AMBRA1: variants seen among roughly 807,000 people sequenced by gnomAD.
AMBRA1 encodes autophagy and beclin 1 regulator 1, also known as activating molecule in BECN1-regulated autophagy protein 1.
Under a neutral mutation model 125.4 loss-of-function variants are expected in AMBRA1, and 47 were observed. The ratio of observed to expected loss-of-function variants is 0.37; its 90% CI spans 0.30 to 0.48. The LOEUF (loss-of-function observed/expected upper bound fraction) is 0.48, where lower values mean the gene tolerates loss of function less well. Among genes scored for constraint, AMBRA1 ranks in the 20% least tolerant of loss-of-function variants. The pLI, the probability that AMBRA1 is intolerant of heterozygous loss-of-function variation, is 0.99. For missense variants in AMBRA1, 1,331 were observed against 1,693.4 expected (o/e 0.79, Z 3.76); for synonymous variants, 626 against 655.5 (o/e 0.95, Z 0.69).
At chr11:46,533,454 C>T (rs1435973467) in intron 7 of AMBRA1, among the ~76,000 whole-genome samples, 1 of 152,216 alleles carries the variant, frequency 6.6e-6, no homozygotes, top group African/African-American at 2.4e-5. Context: ...AGTTCGATAA[C>T]ACGCCTTCTT....
At chr11:46,413,324 C>T (rs1035902606) in intron 15 of AMBRA1, among the ~76,000 whole-genome samples, 1 of 152,178 alleles carries the variant, frequency 6.6e-6, no homozygotes, top group Non-Finnish European at 1.5e-5. Context: ...CCTTTCTGCT[C>T]CCCACAAACA....
intron 11 of AMBRA1, 44 bp from the exon 12 acceptor site, chr11:46,443,642 C>T: frequency 6.7e-7 from 1 of 1,495,532 alleles, no homozygotes; most frequent in Non-Finnish European, 9.3e-7. Context: ...ATTATTTATC[C>T]ACGTTTCCAC....
intron 1 of AMBRA1, among the ~76,000 whole-genome samples, chr11:46,562,209 A>C (rs565277217): frequency 3.5e-4 from 53 of 152,310 alleles, no homozygotes; most frequent in African/African-American, 1.3e-3. Flanking sequence ...ACCTTGAGAA[A>C]AGAGGCAGGT....
chr11:46,428,312 C>CTTTATTG (rs1319805682), intron 14 of AMBRA1, among the ~76,000 whole-genome samples: 7 of 152,060 alleles, frequency 4.6e-5, no homozygotes, highest in Non-Finnish European at 8.8e-5. Context: ...CACATGGCCA[C>CTTTATTG]AAAGAAAAAG....
At chr11:46,561,209 T>C (rs1445695151) in intron 1 of AMBRA1, among the ~76,000 whole-genome samples, 1 of 151,968 alleles carries the variant, frequency 6.6e-6, no homozygotes, top group Non-Finnish European at 1.5e-5. Context: ...GGTGAAACCC[T>C]GTCTCTACTA....
At chr11:46,516,423 CTTTTTTTTTTT>C (rs1162985350) in intron 7 of AMBRA1, among the ~76,000 whole-genome samples, 3 of 73,178 alleles carry the variant, frequency 4.1e-5, no homozygotes, top group East Asian at 4.3e-4. Flanking sequence ...AAAGATCTTT[CTTTTTTTTTTT>C]TTTTTTTTTT....
At chr11:46,405,154 C>T (rs1945947296) in intron 17 of AMBRA1, among the ~76,000 whole-genome samples, 1 of 152,216 alleles carries the variant, frequency 6.6e-6, no homozygotes, top group Non-Finnish European at 1.5e-5. Flanking sequence ...TGCTTCCCCA[C>T]CACCCTACTT....
chr11:46,462,409 C>T (rs1464556628), intron 11 of AMBRA1, among the ~76,000 whole-genome samples: 1 of 152,202 alleles, frequency 6.6e-6, no homozygotes, highest in Non-Finnish European at 1.5e-5. Context: ...ACTCTCCTCA[C>T]GTCTGTCTTC....
chr11:46,513,030 C>T (rs955486821), intron 7 of AMBRA1, among the ~76,000 whole-genome samples: 2 of 152,196 alleles, frequency 1.3e-5, no homozygotes, highest in Non-Finnish European at 2.9e-5. Flanking sequence ...CTGCATTCTG[C>T]TGAATACTGC....
chr11:46,494,200 T>A lies in AMBRA1; in HGVS notation c.2344A>T (p.Asn782Tyr). Residue 782 changes from asparagine (N) to tyrosine (Y), a missense_variant, in exon 10 of 18, where the codon AAT becomes TAT. Physicochemically the swap from Asn to Tyr is moderately radical, Grantham distance 143. Transcript: ENST00000683756. Reference protein sequence around the residue: ...TDLEFEDFEDNGDRSRHRAPR... With the variant: ...TDLEFEDFEDYGDRSRHRAPR... ...GCTCGGTGCCTGGATCTGTCACCAT[T>A]GTCCCTGAAAAAAATAAAAACACTA... 1 of 1,597,606 alleles carries A rather than the reference T, an allele frequency of 6.3e-7. No individual in the cohort carries two copies. The highest frequency in any genetic ancestry group is 8.5e-7 in the Non-Finnish European group (1 of 1,170,986).
intron 11 of AMBRA1, among the ~76,000 whole-genome samples, chr11:46,459,306 T>A (rs755565617): frequency 6.6e-6 from 1 of 152,008 alleles, no homozygotes; most frequent in Non-Finnish European, 1.5e-5. Context: ...GAGAATGGGG[T>A]TGGAAGAGTG....
At chr11:46,427,270 A>C (rs1236527176) in intron 14 of AMBRA1, among the ~76,000 whole-genome samples, 1 of 152,202 alleles carries the variant, frequency 6.6e-6, no homozygotes, top group Non-Finnish European at 1.5e-5. Flanking sequence ...TAATTTGAGA[A>C]GTCTGGATCC....
At chr11:46,400,079 A>G (rs1945663630) in intron 17 of AMBRA1, among the ~76,000 whole-genome samples, 2 of 152,052 alleles carry the variant, frequency 1.3e-5, no homozygotes. Context: ...GTGGAGCTCT[A>G]TTGCTGTGGG....
chr11:46,585,682 A>G lies in AMBRA1; in HGVS notation c.-121+8146T>C, dbSNP rs1314922962. On this transcript the variant is annotated intron_variant, in intron 1 of 17. Transcript: ENST00000683756. ...CTCCATCTCAAAAAAAAAAAAAAAA[A>G]AAAAAAAAAAAAAATATATATATAT... 5.0e-5 allele frequency among the ~76,000 whole-genome samples: 3 copies of G among 59,602 alleles called. No individual in the cohort carries two copies. In the East Asian group the frequency reaches 7.6e-4, roughly 15 times the overall value. The allele number at this position is 59,602 out of a possible 152,430, so 39.1% of individuals were successfully genotyped here. A position where few individuals can be genotyped will look rare whatever the true frequency, so the allele number is the denominator to read the frequency against.
At chr11:46,501,901 A>C (rs188818733) in intron 9 of AMBRA1, among the ~76,000 whole-genome samples, 2 of 152,298 alleles carry the variant, frequency 1.3e-5, no homozygotes, top group Admixed American at 1.3e-4. Flanking sequence ...AGTTTCGCTT[A>C]AGTTACAGTT....
At chr11:46,566,970 C>A (rs1170086417) in intron 1 of AMBRA1, among the ~76,000 whole-genome samples, 1 of 152,090 alleles carries the variant, frequency 6.6e-6, no homozygotes, top group Non-Finnish European at 1.5e-5. Flanking sequence ...GATCAGAGAT[C>A]GCACCACTGC....
At chr11:46,585,719 TA>T (rs1565327747) in intron 1 of AMBRA1, among the ~76,000 whole-genome samples, 5 of 96,652 alleles carry the variant, frequency 5.2e-5, no homozygotes, top group Non-Finnish European at 8.4e-5. Flanking sequence ...TATATATATA[TA>T]TATTCCTAGC....
At chr11:46,592,887 C>A (rs1356828286) in intron 1 of AMBRA1, among the ~76,000 whole-genome samples, 1 of 152,174 alleles carries the variant, frequency 6.6e-6, no homozygotes, top group African/African-American at 2.4e-5. Flanking sequence ...TAACCTCTAA[C>A]CACAAACACC....
chr11:46,397,809 T>C lies in AMBRA1; in HGVS notation c.3538A>G (p.Asn1180Asp), dbSNP rs755064472. 1.9e-6 allele frequency: 3 copies of C among 1,607,532 alleles called. No individual in the cohort carries two copies. Among genetic ancestry groups the C allele is most frequent in the Non-Finnish European group, 2.5e-6 (3 of 1,179,988 alleles). The change falls in exon 18 of 18, where the codon AAC (asparagine) becomes GAC (aspartate). Residue 1180 changes from asparagine (N) to aspartate (D), a missense_variant. Physicochemically the swap from Asn to Asp is conservative, Grantham distance 23. Transcript: ENST00000683756. ...ATGCGGTGGCTGACGATGATGTTGT[T>C]GCCGAAGCCGCCCATGGAGGCCATG... ...TTMASMGGFGNNIIVSHRIHR... is the reference protein window; with the variant it reads ...TTMASMGGFGDNIIVSHRIHR...
Sources: allele counts gnomAD v4.1 joint callset (sites outside exome capture counted in the v4.1 genomes callset), GRCh38; gene constraint gnomAD v4.1.1; transcripts MANE v1.5; gene names NCBI Gene and HGNC (gene_info 2026-07-23, HGNC 2026-07-21).